GRIA1: variants seen among roughly 807,000 people sequenced by gnomAD.
The protein encoded by GRIA1 is glutamate ionotropic receptor AMPA type subunit 1.
A neutral mutation model predicts 99.2 loss-of-function variants in GRIA1; 31 were observed. The ratio of observed to expected loss-of-function variants is 0.31; its 90% confidence interval spans 0.23 to 0.42. GRIA1 has a LOEUF of 0.42. GRIA1 is among the 10% of genes least tolerant of loss of function. GRIA1 has a pLI of 1.00. For missense variants in GRIA1, 782 were observed against 1,157.5 expected (o/e 0.68, Z 4.71); for synonymous variants, 438 against 432.4 (o/e 1.01, Z -0.16).
intron 11 of GRIA1, among the ~76,000 whole-genome samples, chr5:153,724,065 A>C (rs1760305462): frequency 6.6e-6 from 1 of 152,224 alleles, no homozygotes; most frequent in South Asian, 2.1e-4. Context: ...AGGAACGATC[A>C]GACAGCAGCA....
intron 2 of GRIA1, among the ~76,000 whole-genome samples, chr5:153,604,409 A>T (rs777229980): frequency 3.3e-5 from 5 of 152,252 alleles, no homozygotes; most frequent in Non-Finnish European, 7.3e-5. Context: ...TTCAAAATAC[A>T]AGAATTTCAT....
chr5:153,713,821 G>T (rs746218258), intron 11 of GRIA1, among the ~76,000 whole-genome samples: 1 of 152,116 alleles, frequency 6.6e-6, no homozygotes, highest in Non-Finnish European at 1.5e-5. Flanking sequence ...AGCTGAAAGG[G>T]ATATTGAGGA....
chr5:153,521,702 A>G lies in GRIA1; in HGVS notation c.220+27637A>G, dbSNP rs1171577464. ...AGCTAAGGACAATAATGAAAATAAT[A>G]TGATAGCTGACATTCATTGAACTCT... On this transcript the variant is annotated intron_variant, in intron 2 of 15. Coordinates refer to ENST00000285900, the MANE Select transcript of GRIA1 (RefSeq NM_000827.4). Among the ~76,000 whole-genome samples the G allele has an allele frequency of 7.9e-5, 12 of 152,166 alleles. No individual in the cohort carries two copies. In the East Asian group the frequency reaches 2.3e-3, roughly 29 times the overall value.
chr5:153,542,161 T>G (rs1759185442), intron 2 of GRIA1, among the ~76,000 whole-genome samples: 1 of 151,966 alleles, frequency 6.6e-6, no homozygotes, highest in Non-Finnish European at 1.5e-5. Flanking sequence ...GAAGTGTCTA[T>G]CCCAAAGTGC....
chr5:153,548,101 T>C (rs1474344272), intron 2 of GRIA1, among the ~76,000 whole-genome samples: 2 of 152,216 alleles, frequency 1.3e-5, no homozygotes, highest in Non-Finnish European at 2.9e-5. Context: ...TTGAGCAGGC[T>C]GAGCCTGGTT....
chr5:153,763,020 C>T (rs556800942), intron 11 of GRIA1, among the ~76,000 whole-genome samples: 7 of 152,284 alleles, frequency 4.6e-5, no homozygotes, highest in East Asian at 1.9e-4. Context: ...AGCTTTGCTC[C>T]GCTCTCCTGG....
At chr5:153,521,606 G>A (rs1020621742) in intron 2 of GRIA1, among the ~76,000 whole-genome samples, 11 of 152,190 alleles carry the variant, frequency 7.2e-5, no homozygotes, top group African/African-American at 2.7e-4. Flanking sequence ...AGCCTTTTGG[G>A]AGTGGCTCAG....
At chr5:153,661,705 A>G (rs753669404) in intron 5 of GRIA1, among the ~76,000 whole-genome samples, 1 of 152,242 alleles carries the variant, frequency 6.6e-6, no homozygotes, top group Non-Finnish European at 1.5e-5. Flanking sequence ...AATTCCTAGA[A>G]AATAATGTCT....
intron 12 of GRIA1, among the ~76,000 whole-genome samples, chr5:153,768,908 C>T (rs937154915): frequency 6.6e-6 from 1 of 152,284 alleles, no homozygotes; most frequent in Non-Finnish European, 1.5e-5. Flanking sequence ...CCCTAAAATA[C>T]ATCTACCCTT....
intron 2 of GRIA1, among the ~76,000 whole-genome samples, chr5:153,619,107 G>A (rs760976369): frequency 2.6e-5 from 4 of 152,164 alleles, no homozygotes; most frequent in Admixed American, 2.0e-4. Flanking sequence ...TAGCTTGATA[G>A]GGCAATGGTC....
chr5:153,535,447 C>A (rs768144260), intron 2 of GRIA1, among the ~76,000 whole-genome samples: 4 of 152,144 alleles, frequency 2.6e-5, no homozygotes, highest in Non-Finnish European at 5.9e-5. Context: ...AATAAAGCAA[C>A]CTCCTGGCAC....
upstream of GRIA1, chr5:153,489,636 C>T: frequency 3.7e-6 from 1 of 269,994 alleles, no homozygotes; most frequent in Admixed American, 4.8e-5. Flanking sequence ...TCTGTGGCGG[C>T]TAGTGGCTGC....
At chr5:153,680,529 G>A (rs1358179294) in intron 7 of GRIA1, among the ~76,000 whole-genome samples, 1 of 152,116 alleles carries the variant, frequency 6.6e-6, no homozygotes, top group Non-Finnish European at 1.5e-5. Flanking sequence ...CATAATTTCT[G>A]CATGACCAGG....
rs149141034 is a variant in GRIA1 at position 153,496,254 on chromosome 5, G to C, written c.220+2189G>C. Among the ~76,000 whole-genome samples the C allele has an allele frequency of 8.0e-4, 122 of 152,272 alleles. 1 individual carries two copies. In the South Asian group the frequency reaches 8.5e-3, roughly 11 times the overall value. ...TGATACAGACAATGTTGTTCATTTT[G>C]GTCAACAGGCCTGGAGTGGATGAAT... On this transcript the variant is annotated intron_variant, in intron 2 of 15. Transcript: ENST00000285900.
At chr5:153,745,589 CAAAAAAAAAAA>C (rs58166158) in intron 11 of GRIA1, among the ~76,000 whole-genome samples, 5 of 100,908 alleles carry the variant, frequency 5.0e-5, no homozygotes, top group African/African-American at 1.5e-4. Context: ...AACTCTGTCT[CAAAAAAAAAAA>C]AAAAAAAAAA....
At chr5:153,710,100 A>T (rs557886059) in intron 11 of GRIA1, among the ~76,000 whole-genome samples, 2 of 152,290 alleles carry the variant, frequency 1.3e-5, no homozygotes, top group South Asian at 4.1e-4. Flanking sequence ...TGTATAACCC[A>T]TTTTAACAGT....
intron 11 of GRIA1, among the ~76,000 whole-genome samples, chr5:153,718,682 C>A (rs1228139342): frequency 6.6e-6 from 1 of 152,170 alleles, no homozygotes; most frequent in Non-Finnish European, 1.5e-5. Context: ...TCTTTCCCTT[C>A]CATTATGTTA....
intron 10 of GRIA1, among the ~76,000 whole-genome samples, chr5:153,705,274 T>C (rs1227989023): frequency 6.6e-6 from 1 of 152,174 alleles, no homozygotes; most frequent in Non-Finnish European, 1.5e-5. Flanking sequence ...GTGGGGTACA[T>C]GGATTGACCG....
intron 2 of GRIA1, among the ~76,000 whole-genome samples, chr5:153,570,726 A>G (rs1336443395): frequency 7.2e-5 from 11 of 152,198 alleles, no homozygotes; most frequent in Non-Finnish European, 1.2e-4. Context: ...GGAAGTCATA[A>G]TGGTACTTAC....
Sources: allele counts gnomAD v4.1 joint callset (sites outside exome capture counted in the v4.1 genomes callset), GRCh38; gene constraint gnomAD v4.1.1; transcripts MANE v1.5; gene names NCBI Gene and HGNC (gene_info 2026-07-23, HGNC 2026-07-21).